Variants in DECR1 observed in about 807,000 individuals in gnomAD.
DECR1 encodes the protein 2,4-dienoyl-CoA reductase [(3E)-enoyl-CoA-producing], mitochondrial.
In DECR1, 44 loss-of-function variants were observed where a neutral mutation model predicts 38.8. The ratio of observed to expected loss-of-function variants is 1.13; its 90% CI spans 0.89 to 1.46. The LOEUF is 1.46. Ranked by LOEUF, DECR1 falls within the 40% of genes most tolerant of loss-of-function variation. DECR1 has a pLI of 0.00. For synonymous variants in DECR1, 148 were observed against 135.2 expected (o/e 1.09, Z -0.66); for missense variants, 428 against 405.5 (o/e 1.06, Z -0.48).
intron 1 of DECR1, among the ~76,000 whole-genome samples, chr8:90,003,566 C>T (rs1812667864): frequency 6.6e-6 from 1 of 152,196 alleles, no homozygotes; most frequent in Admixed American, 6.5e-5. Flanking sequence ...AAGTATTGGG[C>T]ATTCTTTGGC....
chr8:90,005,658 A>T (rs1056252141), intron 1 of DECR1: 3 of 358,402 alleles, frequency 8.4e-6, no homozygotes, highest in African/African-American at 6.4e-5. Flanking sequence ...AAAATTTACC[A>T]GTCATATCAA....
chr8:90,029,290 A>G (rs1427170341), intron 5 of DECR1: 1 of 152,184 alleles, frequency 6.6e-6, no homozygotes, highest in Non-Finnish European at 1.5e-5. Context: ...ACAGATGTAC[A>G]TGTGCTTTTT....
intron 2 of DECR1, among the ~76,000 whole-genome samples, chr8:90,017,900 A>G (rs1813049606): frequency 6.6e-6 from 1 of 152,008 alleles, no homozygotes; most frequent in Admixed American, 6.5e-5. Flanking sequence ...ATTTTTTGTG[A>G]GGTGGAGTTT....
At chr8:90,034,251 G>A (rs576153346) in intron 5 of DECR1, among the ~76,000 whole-genome samples, 1 of 152,152 alleles carries the variant, frequency 6.6e-6, no homozygotes, top group South Asian at 2.1e-4. Context: ...TACTTTCCTT[G>A]TAGTCCTTCA....
In DECR1 at chr8:90,043,015, ATTTCAG is replaced by A. The variant is rs200553541; in HGVS notation, c.738+217_738+222del. 9.6e-3 allele frequency among the ~76,000 whole-genome samples: 1,456 copies of A among 152,180 alleles called. 24 individuals are homozygous for A. Among genetic ancestry groups the A allele is most frequent in the African/African-American group, 0.034 (1,406 of 41,514 alleles). On this transcript the variant is annotated intron_variant, in intron 7 of 9. Coordinates refer to ENST00000220764, the MANE Select transcript of DECR1 (RefSeq NM_001359.2). ...GCTATGCAATTTCTTCATAATGTCA[ATTTCAG>A]TGTCTTAATCGTTTGGGATCTTTTA... is the stretch of plus-strand genomic sequence containing the variant.
intron 1 of DECR1, among the ~76,000 whole-genome samples, chr8:90,003,392 G>A (rs1812664327): frequency 6.6e-6 from 1 of 152,086 alleles, no homozygotes; most frequent in Non-Finnish European, 1.5e-5. Context: ...AATATTTATT[G>A]AGGACTGGCT....
chr8:90,024,653 C>T (rs1813280332), intron 5 of DECR1, among the ~76,000 whole-genome samples: 3 of 152,112 alleles, frequency 2.0e-5, no homozygotes, highest in African/African-American at 7.2e-5. Context: ...CATAAATTTT[C>T]TCCCATTCTG....
intron 8 of DECR1, among the ~76,000 whole-genome samples, chr8:90,049,622 G>A (rs543625801): frequency 1.2e-3 from 180 of 152,124 alleles, no homozygotes; most frequent in Non-Finnish European, 2.1e-3. Context: ...TATAGATTCA[G>A]TGCCATCCCC....
intron 6 of DECR1, 107 bp from the exon 7 acceptor site, chr8:90,042,621 G>T: frequency 1.1e-6 from 1 of 873,672 alleles, no homozygotes; most frequent in Non-Finnish European, 1.9e-6. Flanking sequence ...TACCTGTTGG[G>T]GTTGTAATCT....
intron 2 of DECR1, among the ~76,000 whole-genome samples, chr8:90,017,852 A>G (rs1813048390): frequency 6.6e-6 from 1 of 152,160 alleles, no homozygotes; most frequent in African/African-American, 2.4e-5. Flanking sequence ...TTAACCTTAT[A>G]CCAGGAAAAT....
chr8:90,033,285 AT>A (rs1191908949), intron 5 of DECR1, among the ~76,000 whole-genome samples: 2 of 151,926 alleles, frequency 1.3e-5, no homozygotes, highest in Non-Finnish European at 2.9e-5. Context: ...TTTTATTACT[AT>A]TTTTTTCCAT....
At chr8:90,026,725 A>G (rs374842354) in intron 5 of DECR1, among the ~76,000 whole-genome samples, 3 of 151,956 alleles carry the variant, frequency 2.0e-5, no homozygotes, top group Admixed American at 2.0e-4. Flanking sequence ...TATCTCCTTC[A>G]GTTCTGCTCT....
intron 5 of DECR1, among the ~76,000 whole-genome samples, chr8:90,022,728 C>G (rs960270532): frequency 6.6e-6 from 1 of 152,030 alleles, no homozygotes; most frequent in African/African-American, 2.4e-5. Flanking sequence ...CTCTGTTTCT[C>G]TCTTCATCTG....
chr8:90,017,144 A>C lies in DECR1; in HGVS notation c.90A>C (p.Lys30Asn), dbSNP rs750671714. The change falls in exon 2 of 10, where the codon AAA becomes AAC. Residue 30 changes from lysine to asparagine, a missense_variant. Lys to Asn is a moderately conservative substitution (Grantham distance 94). Coordinates refer to ENST00000220764, the MANE Select transcript of DECR1 (RefSeq NM_001359.2). ...TTTAGTTTTTCAGTTATGGGACAAA[A>C]ATATTATATCAAAACACTGAAGCTT... ...APRRFFSYGTKILYQNTEALQ... is the reference protein window; with the variant it reads ...APRRFFSYGTNILYQNTEALQ... The C allele has an allele frequency of 1.2e-6, 2 of 1,613,562 alleles. No homozygotes were observed. The highest frequency in any genetic ancestry group is 4.5e-5 in the East Asian group (2 of 44,872).
chr8:90,015,570 A>G, intron 1 of DECR1: 1 of 442,808 alleles, frequency 2.3e-6, no homozygotes, highest in South Asian at 1.6e-5. Context: ...TAAATCATTG[A>G]CCACATTTCT....
chr8:90,021,825 G>A (rs1379002824), intron 5 of DECR1, among the ~76,000 whole-genome samples: 1 of 152,140 alleles, frequency 6.6e-6, no homozygotes, highest in African/African-American at 2.4e-5. Context: ...TAAGAACACT[G>A]GAGGGAAAAT....
chr8:90,020,734 C>T (rs1813132646), intron 4 of DECR1, among the ~76,000 whole-genome samples, 175 bp from the exon 5 acceptor site: 1 of 152,108 alleles, frequency 6.6e-6, no homozygotes, highest in African/African-American at 2.4e-5. Flanking sequence ...TGGTAACTAA[C>T]GTAGGAGGTT....
chr8:90,029,393 G>A (rs928328516), intron 5 of DECR1: 2 of 152,146 alleles, frequency 1.3e-5, no homozygotes, highest in Non-Finnish European at 2.9e-5. Context: ...AAACTAAGAA[G>A]TAGAAGCAAC....
At chr8:90,034,130 C>T (rs1813561509) in intron 5 of DECR1, among the ~76,000 whole-genome samples, 1 of 152,124 alleles carries the variant, frequency 6.6e-6, no homozygotes, top group South Asian at 2.1e-4. Context: ...CTCTTCCACC[C>T]CCGTGTTTCC....
Sources: allele counts gnomAD v4.1 joint callset (sites outside exome capture counted in the v4.1 genomes callset), GRCh38; gene constraint gnomAD v4.1.1; transcripts MANE v1.5; gene names NCBI Gene and HGNC (gene_info 2026-07-23, HGNC 2026-07-21).